SORCS1: variants seen among roughly 807,000 people sequenced by gnomAD.
The protein encoded by SORCS1 is sortilin related VPS10 domain containing receptor 1, also known as VPS10 domain-containing receptor SorCS1.
Under a neutral mutation model 146.1 loss-of-function variants are expected in SORCS1, and 60 were observed. The observed-to-expected ratio is 0.41, with a 90% CI of 0.33 to 0.51. The LOEUF is 0.51. Ranked by LOEUF, SORCS1 falls within the 20% of genes least tolerant of loss-of-function variation. The pLI, the probability that SORCS1 is intolerant of heterozygous loss-of-function variation, is 0.21. For missense variants in SORCS1, 1,352 were observed against 1,487.6 expected, an observed-to-expected ratio of 0.91 and a Z score of 1.50; for synonymous variants, 637 against 584.0, an observed-to-expected ratio of 1.09 and a Z score of -1.31.
intron 1 of SORCS1, among the ~76,000 whole-genome samples, chr10:107,087,255 C>G (rs1963831365): frequency 6.6e-6 from 1 of 152,096 alleles, no homozygotes; most frequent in Admixed American, 6.5e-5. Flanking sequence ...AAACATGGAG[C>G]CTTATCAGAG....
chr10:106,858,700 C>A (rs1210617859), intron 2 of SORCS1, among the ~76,000 whole-genome samples: 2 of 151,726 alleles, frequency 1.3e-5, no homozygotes, highest in African/African-American at 4.8e-5. Flanking sequence ...GTTACCCTTA[C>A]CACTGACATG....
At chr10:106,606,028 G>A (rs139082743) in intron 23 of SORCS1, among the ~76,000 whole-genome samples, 7 of 152,234 alleles carry the variant, frequency 4.6e-5, no homozygotes, top group African/African-American at 1.4e-4. Context: ...CTTAGTGGCC[G>A]AGAGGAATCT....
Position 106,919,048 on chromosome 10 carries a change from G to C in SORCS1, c.626+37465C>G, listed in dbSNP as rs190023921. ...AGATGGAGTTTGCCACATTGCCCAT[G>C]CTGGCCTTGAAATCCTGGTCTCAAG... On this transcript the variant is annotated intron_variant, in intron 2 of 25. Coordinates refer to ENST00000263054, the MANE Select transcript of SORCS1 (RefSeq NM_052918.5). Among the ~76,000 whole-genome samples, 3 of 152,204 alleles carry C rather than the reference G, an allele frequency of 2.0e-5. No individual in the cohort carries two copies. The East Asian group carries it at 5.8e-4, about 29-fold the overall frequency.
intron 15 of SORCS1, among the ~76,000 whole-genome samples, chr10:106,672,518 T>G (rs888259264): frequency 9.9e-5 from 15 of 152,180 alleles, no homozygotes; most frequent in Non-Finnish European, 2.9e-5. Context: ...TAGATAAAAT[T>G]GAAGATATCT....
chr10:106,956,055 G>T (rs190372053), intron 2 of SORCS1, among the ~76,000 whole-genome samples: 150 of 152,066 alleles, frequency 9.9e-4, no homozygotes, highest in African/African-American at 3.4e-3. Context: ...GCTTGAACCC[G>T]GGAGGCAGAG....
At chr10:106,868,050 C>T (rs1221801304) in intron 2 of SORCS1, among the ~76,000 whole-genome samples, 1 of 152,130 alleles carries the variant, frequency 6.6e-6, no homozygotes, top group Non-Finnish European at 1.5e-5. Context: ...ATATTGCTAT[C>T]CTAATTTCAG....
intron 1 of SORCS1, among the ~76,000 whole-genome samples, chr10:106,983,341 T>C (rs1314627065): frequency 1.3e-5 from 2 of 151,258 alleles, no homozygotes; most frequent in African/African-American, 4.8e-5. Context: ...AATTTAAAAC[T>C]GATAATATTC....
intron 6 of SORCS1, among the ~76,000 whole-genome samples, chr10:106,729,815 G>A (rs1428600753): frequency 6.6e-6 from 1 of 151,830 alleles, no homozygotes; most frequent in Non-Finnish European, 1.5e-5. Context: ...CACGATTATT[G>A]CCACTGTGCC....
At chr10:106,671,077 A>G (rs1243377632) in intron 16 of SORCS1, among the ~76,000 whole-genome samples, 160 bp downstream of exon 16, 2 of 152,148 alleles carry the variant, frequency 1.3e-5, no homozygotes, top group Non-Finnish European at 2.9e-5. Context: ...TCCCACATAC[A>G]CATACACATA....
chr10:106,665,560 A>G (rs1036461573), intron 17 of SORCS1, among the ~76,000 whole-genome samples: 1 of 152,050 alleles, frequency 6.6e-6, no homozygotes, highest in African/African-American at 2.4e-5. Flanking sequence ...TCAAATATGC[A>G]TGAAGAAAAG....
intron 2 of SORCS1, among the ~76,000 whole-genome samples, chr10:106,835,365 T>G (rs1379951721): frequency 1.3e-5 from 2 of 152,214 alleles, no homozygotes; most frequent in Non-Finnish European, 2.9e-5. Flanking sequence ...AATGATAGCT[T>G]TTGTTACTCA....
At chr10:107,158,481 A>G (rs1590269243) in intron 1 of SORCS1, among the ~76,000 whole-genome samples, 2 of 152,312 alleles carry the variant, frequency 1.3e-5, no homozygotes, top group Non-Finnish European at 1.5e-5. Context: ...CTACATTTCA[A>G]GGTTTCTCTG....
At chr10:106,842,387 C>G (rs918050448) in intron 2 of SORCS1, among the ~76,000 whole-genome samples, 1 of 152,092 alleles carries the variant, frequency 6.6e-6, no homozygotes, top group Non-Finnish European at 1.5e-5. Flanking sequence ...TTGTGCACCA[C>G]CAGGCCCGGC....
At chr10:106,720,583 C>CT (rs34701051) in intron 6 of SORCS1, among the ~76,000 whole-genome samples, 2 of 149,994 alleles carry the variant, frequency 1.3e-5, no homozygotes, top group African/African-American at 2.5e-5. Flanking sequence ...TACGATGCTA[C>CT]TTTTTTTTTA....
intron 3 of SORCS1, among the ~76,000 whole-genome samples, chr10:106,814,949 T>A (rs1373285293): frequency 2.0e-5 from 3 of 150,456 alleles, no homozygotes; most frequent in Admixed American, 1.3e-4. Flanking sequence ...GGTCTTATAT[T>A]CTGTCCTTTT....
chr10:106,646,613 T>C (rs562914732), intron 18 of SORCS1, among the ~76,000 whole-genome samples: 1 of 152,250 alleles, frequency 6.6e-6, no homozygotes, highest in Non-Finnish European at 1.5e-5. Flanking sequence ...GGAGAATCGC[T>C]TGACCCCAGG....
chr10:106,706,756 C>A lies in SORCS1; in HGVS notation c.1144-122G>T, dbSNP rs540289108. ...CAACAAATGGCATTAATGTCTATTGCGGACAAGTGTAAAGAATTGGCCTTC... is the reference window on the plus strand; with the variant it reads ...CAACAAATGGCATTAATGTCTATTGAGGACAAGTGTAAAGAATTGGCCTTC... On this transcript the variant is annotated intron_variant, in intron 7 of 25. Transcript: ENST00000263054. 44 of 837,090 alleles carry A rather than the reference C, an allele frequency of 5.3e-5. 1 individual carries two copies. Among genetic ancestry groups the A allele is most frequent in the Non-Finnish European group, 8.3e-5 (43 of 519,748 alleles). The allele number at this position is 837,090 out of a possible 1,614,324, so 51.9% of individuals were successfully genotyped here.
At chr10:106,816,266 C>A (rs750634492) in intron 3 of SORCS1, among the ~76,000 whole-genome samples, 1 of 152,214 alleles carries the variant, frequency 6.6e-6, no homozygotes, top group African/African-American at 2.4e-5. Flanking sequence ...AAGTACCAAT[C>A]TTGCTACAAT....
At chr10:107,122,829 G>A (rs1009895321) in intron 1 of SORCS1, among the ~76,000 whole-genome samples, 8 of 152,176 alleles carry the variant, frequency 5.3e-5, no homozygotes, top group Non-Finnish European at 1.2e-4. Flanking sequence ...GAAAAGGAAG[G>A]AAAACTCAAG....
Sources: gnomAD v4.1 joint callset for allele counts (sites outside exome capture counted in the v4.1 genomes callset) on GRCh38, gnomAD v4.1.1 for gene constraint, MANE v1.5 for transcripts, NCBI Gene and HGNC (gene_info 2026-07-23, HGNC 2026-07-21) for gene names.